The following PTPRD variants were observed in gnomAD, a reference collection of about 807,000 sequenced individuals.
The protein encoded by PTPRD is receptor-type tyrosine-protein phosphatase delta.
In PTPRD, 34 loss-of-function variants were observed where a neutral mutation model predicts 214.5. That is an observed-to-expected ratio of 0.16 (90% CI 0.12 to 0.21). The LOEUF (loss-of-function observed/expected upper bound fraction) is 0.21, where lower values mean the gene tolerates loss of function less well. PTPRD is among the 10% of genes least tolerant of loss of function. PTPRD has a pLI of 1.00. For synonymous variants in PTPRD, 1,128 were observed against 845.7 expected (o/e 1.33, Z -5.79); for missense variants, 2,545 against 2,398.7 (o/e 1.06, Z -1.27).
At chr9:9,910,460 AATGT>A (rs1451731657) in intron 5 of PTPRD, among the ~76,000 whole-genome samples, 2 of 152,032 alleles carry the variant, frequency 1.3e-5, no homozygotes, top group African/African-American at 4.8e-5. Flanking sequence ...AGCTGAAAGA[AATGT>A]ATTCTTGAAG....
chr9:9,794,230 CAT>C (rs1022306762), intron 5 of PTPRD, among the ~76,000 whole-genome samples: 3 of 148,006 alleles, frequency 2.0e-5, no homozygotes, highest in Non-Finnish European at 3.0e-5. Context: ...CGTACATATA[CAT>C]ATATATATAT....
At chr9:8,910,897 G>A (rs950811827) in intron 11 of PTPRD, among the ~76,000 whole-genome samples, 4 of 152,158 alleles carry the variant, frequency 2.6e-5, no homozygotes, top group Non-Finnish European at 5.9e-5. Flanking sequence ...AACAAAAGAA[G>A]CGCAAGCCTT....
intron 14 of PTPRD, among the ~76,000 whole-genome samples, chr9:8,534,740 G>T (rs559306255): frequency 6.6e-6 from 1 of 151,786 alleles, no homozygotes; most frequent in Non-Finnish European, 1.5e-5. Flanking sequence ...GCAGCAGAAA[G>T]TCAGTGGATT....
chr9:9,315,968 T>G (rs1228686601), intron 9 of PTPRD, among the ~76,000 whole-genome samples: 10 of 151,774 alleles, frequency 6.6e-5, no homozygotes, highest in Admixed American at 6.6e-4. Flanking sequence ...TGTGCCCATG[T>G]GAATCTTTTA....
chr9:10,530,637 G>T (rs2055956286), intron 2 of PTPRD, among the ~76,000 whole-genome samples: 2 of 151,804 alleles, frequency 1.3e-5, no homozygotes, highest in Admixed American at 6.6e-5. Flanking sequence ...GGAAATGATG[G>T]GACTATGGCA....
intron 14 of PTPRD, among the ~76,000 whole-genome samples, chr9:8,580,806 C>T (rs1047666280): frequency 6.6e-6 from 1 of 152,058 alleles, no homozygotes; most frequent in Non-Finnish European, 1.5e-5. Context: ...ATATAAACAG[C>T]AAATAGCAAA....
chr9:8,656,571 G>C (rs371455362), intron 12 of PTPRD, among the ~76,000 whole-genome samples: 5 of 152,136 alleles, frequency 3.3e-5, no homozygotes, highest in East Asian at 3.9e-4. Flanking sequence ...TATACAATTT[G>C]TAATAGTGAG....
intron 2 of PTPRD, among the ~76,000 whole-genome samples, chr9:10,500,785 G>C (rs1187251533): frequency 6.6e-6 from 1 of 151,700 alleles, no homozygotes; most frequent in African/African-American, 2.4e-5. Context: ...CCATAAATAA[G>C]CAAGGACATG....
intron 14 of PTPRD, among the ~76,000 whole-genome samples, chr9:8,558,934 T>C (rs902916204): frequency 1.3e-5 from 2 of 152,142 alleles, no homozygotes; most frequent in Non-Finnish European, 2.9e-5. Flanking sequence ...AACTTATCAA[T>C]TAATTGAGTA....
intron 9 of PTPRD, among the ~76,000 whole-genome samples, chr9:9,370,211 A>T (rs1192983140): frequency 1.3e-5 from 2 of 152,034 alleles, no homozygotes; most frequent in Non-Finnish European, 2.9e-5. Context: ...CAGTATGGCC[A>T]TTTTCACGAT....
intron 2 of PTPRD, among the ~76,000 whole-genome samples, chr9:10,455,131 C>T (rs1461268064): frequency 2.6e-5 from 4 of 151,714 alleles, no homozygotes; most frequent in Non-Finnish European, 5.9e-5. Flanking sequence ...TCACTCAAAG[C>T]TTATCAATGA....
At chr9:10,087,914 G>C (rs1239483901) in intron 3 of PTPRD, among the ~76,000 whole-genome samples, 2 of 151,602 alleles carry the variant, frequency 1.3e-5, no homozygotes, top group East Asian at 1.9e-4. Flanking sequence ...TAATCATTTT[G>C]CAGACTACTA....
At chr9:9,525,002 C>T (rs751431418) in intron 8 of PTPRD, among the ~76,000 whole-genome samples, 6 of 152,102 alleles carry the variant, frequency 3.9e-5, no homozygotes, top group South Asian at 2.1e-4. Context: ...GGACTACAGG[C>T]GCCCGCCACC....
At chr9:10,116,891 A>G (rs2098734799) in intron 3 of PTPRD, among the ~76,000 whole-genome samples, 2 of 152,062 alleles carry the variant, frequency 1.3e-5, no homozygotes, top group Admixed American at 1.3e-4. Flanking sequence ...ATTTTCCCCA[A>G]TATATGCATA....
intron 5 of PTPRD, among the ~76,000 whole-genome samples, chr9:9,855,073 G>C (rs1218243054): frequency 1.3e-5 from 2 of 152,222 alleles, no homozygotes; most frequent in African/African-American, 4.8e-5. Flanking sequence ...TGGCTTTGCA[G>C]ACATCTAAGT....
At chr9:9,462,236 T>A (rs1361941461) in intron 8 of PTPRD, among the ~76,000 whole-genome samples, 1 of 152,116 alleles carries the variant, frequency 6.6e-6, no homozygotes, top group Non-Finnish European at 1.5e-5. Flanking sequence ...CTTTTAGGAT[T>A]TTTGAGAGAA....
intron 39 of PTPRD, among the ~76,000 whole-genome samples, chr9:8,344,728 G>C (rs1320353548): frequency 6.6e-6 from 1 of 151,978 alleles, no homozygotes; most frequent in Non-Finnish European, 1.5e-5. Flanking sequence ...GCAAGACCTT[G>C]AGGCTTAAGG....
intron 11 of PTPRD, among the ~76,000 whole-genome samples, chr9:8,833,711 T>TACAC (rs1234155614): frequency 0.014 from 1,969 of 137,502 alleles, 42 homozygotes; most frequent in African/African-American, 0.048. Context: ...TATATATATA[T>TACAC]ATATACACAC....
At chr9:9,081,680 T>C (rs975225083) in intron 10 of PTPRD, among the ~76,000 whole-genome samples, 4 of 152,112 alleles carry the variant, frequency 2.6e-5, no homozygotes, top group Admixed American at 6.6e-5. Flanking sequence ...TGGGTGCTCC[T>C]GTATTGGGTG....
Sources: allele counts gnomAD v4.1 joint callset (sites outside exome capture counted in the v4.1 genomes callset), GRCh38; gene constraint gnomAD v4.1.1; transcripts MANE v1.5; gene names NCBI Gene and HGNC (gene_info 2026-07-23, HGNC 2026-07-21).